The following CPSF4 variants were observed in gnomAD, a reference collection of about 807,000 sequenced individuals.
CPSF4 encodes cleavage and polyadenylation specificity factor subunit 4.
Under a neutral mutation model 37.7 loss-of-function variants are expected in CPSF4, and 11 were observed. The observed-to-expected ratio is 0.29, with a 90% CI of 0.18 to 0.48. CPSF4 has a LOEUF of 0.48. CPSF4 is among the 20% of genes least tolerant of loss of function. CPSF4 has a pLI of 0.99. For missense variants in CPSF4, 144 were observed against 359.5 expected (o/e 0.40, Z 4.85); for synonymous variants, 132 against 135.9 (o/e 0.97, Z 0.20).
At chr7:99,452,489 C>G in intron 6 of CPSF4, 49 bp downstream of exon 6, 1 of 1,522,040 alleles carries the variant, frequency 6.6e-7, no homozygotes, top group Non-Finnish European at 9.1e-7. Context: ...TTTTCTACAG[C>G]GAGAACCTCA....
chr7:99,448,139 G>A lies in CPSF4; in HGVS notation c.173G>A (p.Arg58His). 1 of 1,614,074 alleles carries A rather than the reference G, an allele frequency of 6.2e-7. No homozygotes were observed. ...ACGKGGMCPF[R>H]HISGEKTVVC... The stretch of plus-strand genomic sequence containing the variant: ...CCGGCAGGGGGCATGTGTCCGTTTC[G>A]CCACATCAGTGGTGAGAAGACAGTT... Residue 58 changes from arginine to histidine, a missense_variant, in exon 3 of 8, where the codon CGC becomes CAC. Physicochemically the swap from Arg to His is conservative, Grantham distance 29 (BLOSUM62 0). Transcript: ENST00000292476. This position sits in a 1 kb window ranked among gnomAD's most constrained non-coding sequence, Gnocchi z 4.4.
At chr7:99,452,603 T>C (rs966781018) in intron 6 of CPSF4, 163 bp downstream of exon 6, 3 of 637,812 alleles carry the variant, frequency 4.7e-6, no homozygotes. Context: ...AAGCCGTGTA[T>C]ATCTCCCTCG....
Position 99,456,255 on chromosome 7 carries a change from G to A in CPSF4, c.742-177G>A, listed in dbSNP as rs1238343627. The A allele has an allele frequency of 4.7e-6, 3 of 632,784 alleles. No individual in the cohort carries two copies. In the Admixed American group the frequency reaches 7.3e-5, roughly 15 times the overall value. The allele number at this position is 632,784 out of a possible 1,614,324, so 39.2% of individuals were successfully genotyped here. On this transcript the variant is annotated intron_variant, in intron 7 of 7. Transcript: ENST00000292476. ...TGCACCACTGCACTTTCCATCCTGA[G>A]CTCCCTCACCCTCTAATTTGAAAGA... is the stretch of plus-strand genomic sequence containing the variant.
In CPSF4 at chr7:99,456,419, C is replaced by G. The variant is rs766848747; in HGVS notation, c.742-13C>G. 1 of 1,613,862 alleles carries G rather than the reference C, an allele frequency of 6.2e-7. No individual in the cohort carries two copies. Among genetic ancestry groups the G allele is most frequent in the Non-Finnish European group, 8.5e-7 (1 of 1,179,720 alleles). ...TCTGTCTCTCCTCTTCCCCCACTTC[C>G]TGCTGTTCCCAGTGTGGCGAGAAAG... On this transcript the variant is annotated splice_polypyrimidine_tract_variant and intron_variant, in intron 7 of 7. Coordinates refer to ENST00000292476, the MANE Select transcript of CPSF4 (RefSeq NM_006693.4).
In CPSF4 at chr7:99,448,376, T is replaced by C. The variant is rs1797687859; in HGVS notation, c.307+103T>C. On this transcript the variant is annotated intron_variant, in intron 3 of 7. Transcript: ENST00000292476. The surrounding 1 kb of genome is among the most constrained non-coding windows in gnomAD (Gnocchi z 4.4). ...TGTCTCTGCCTGCTTTTCCCATCTT[T>C]CTATTCTCAGAGGAGAACTCTGGCA... The C allele has an allele frequency of 2.3e-6, 3 of 1,321,860 alleles. No homozygotes were observed. Among genetic ancestry groups the C allele is most frequent in the South Asian group, 1.5e-5 (1 of 68,826 alleles). 81.9% of individuals were successfully genotyped at this position (1,321,860 alleles called of 1,614,324 possible).
At chr7:99,443,970 CCT>C (rs1221705870) in intron 1 of CPSF4, among the ~76,000 whole-genome samples, 2 of 152,062 alleles carry the variant, frequency 1.3e-5, no homozygotes, top group African/African-American at 2.4e-5. Context: ...TAAAAGCAGT[CCT>C]CTGTTTCTGC....
At chr7:99,455,754 G>A (rs940334) in intron 7 of CPSF4, among the ~76,000 whole-genome samples, 8,309 of 152,266 alleles carry the variant, frequency 0.055, 687 homozygotes, top group African/African-American at 0.18. Flanking sequence ...ATGAGGCAGG[G>A]TCAGGGCTGG....
intron 6 of CPSF4, chr7:99,452,833 A>G (rs1243967105): frequency 5.3e-6 from 1 of 187,982 alleles, no homozygotes; most frequent in East Asian, 1.5e-4. Flanking sequence ...AACCGAGACT[A>G]CCAGAGGGAG....
intron 1 of CPSF4, 51 bp downstream of exon 1, chr7:99,439,236 C>T (rs1796652908): frequency 3.6e-6 from 5 of 1,376,544 alleles, no homozygotes; most frequent in Non-Finnish European, 5.0e-6. Context: ...ACCCGGGACC[C>T]GCTCCTCTGT....
intron 7 of CPSF4, 24 bp downstream of exon 7, chr7:99,454,160 G>A (rs751838986): frequency 6.2e-7 from 1 of 1,601,694 alleles, no homozygotes; most frequent in Non-Finnish European, 8.5e-7. Context: ...CTGGGGGACA[G>A]GGTGGGGTCT....
At position 99,448,793 on chromosome 7, in the gene CPSF4, G is replaced by A. The variant is rs1313982600; in HGVS notation, c.307+520G>A. 1 of 153,790 alleles carries A rather than the reference G, an allele frequency of 6.5e-6. No homozygotes were observed. The highest frequency in any genetic ancestry group is 1.4e-5 in the Non-Finnish European group (1 of 69,196). The allele number at this position is 153,790 out of a possible 1,614,324, so 9.5% of individuals were successfully genotyped here. A position where few individuals can be genotyped will look rare whatever the true frequency, so the allele number is the denominator to read the frequency against. ...CGTGGGCATTGCCTCTCAGGCCCGA[G>A]CTGGTTCCTTCTCTCCAGGAGCCAT... On this transcript the variant is annotated intron_variant, in intron 3 of 7. Transcript: ENST00000292476. The surrounding 1 kb of genome is among the most constrained non-coding windows in gnomAD (Gnocchi z 4.4).
intron 4 of CPSF4, 46 bp from the exon 5 acceptor site, chr7:99,450,656 A>C: frequency 2.1e-6 from 3 of 1,451,480 alleles, no homozygotes; most frequent in Non-Finnish European, 1.9e-6. Context: ...CCAGCTCTCT[A>C]ACTGGTAGAG....
chr7:99,455,543 G>A (rs1377136350), intron 7 of CPSF4, among the ~76,000 whole-genome samples: 1 of 152,226 alleles, frequency 6.6e-6, no homozygotes, highest in African/African-American at 2.4e-5. Context: ...GAATTGCAGA[G>A]CCAGGGAATA....
At chr7:99,440,233 C>CGCCCACAACTACCAG (rs1796772440) in intron 1 of CPSF4, among the ~76,000 whole-genome samples, 1 of 152,126 alleles carries the variant, frequency 6.6e-6, no homozygotes, top group Non-Finnish European at 1.5e-5. Context: ...TGTGTGCTGT[C>CGCCCACAACTACCAG]GCCCACAACT....
rs1172638452 is a variant in CPSF4, at chr7:99,439,052, G to C, written c.-31G>C. 5 of 1,587,076 alleles carry C rather than the reference G, an allele frequency of 3.2e-6. No individual in the cohort carries two copies. In the African/African-American group the frequency reaches 4.0e-5, roughly 13 times the overall value. ...GAGAAGGCTGCAGGAGACCGAGGGG[G>C]AGCCGGGCCGGTGGGGCCGCCGCCG... On this transcript the variant is annotated 5_prime_UTR_variant, in exon 1 of 8. Transcript: ENST00000292476.
chr7:99,440,674 A>ATATGTTTTTTTT, intron 1 of CPSF4, among the ~76,000 whole-genome samples: 3 of 88,130 alleles, frequency 3.4e-5, no homozygotes, highest in African/African-American at 2.9e-4. Context: ...ATATATATAT[A>ATATGTTTTTTTT]TTTTTTTTTT....
rs1290742918 is a variant in CPSF4, at chr7:99,453,315, G to T, written c.571-651G>T. The T allele has an allele frequency of 6.5e-6, 1 of 152,686 alleles. No homozygotes were observed. The allele number at this position is 152,686 out of a possible 1,614,324, so 9.5% of individuals were successfully genotyped here. A position where few individuals can be genotyped will look rare whatever the true frequency, so the allele number is the denominator to read the frequency against. On this transcript the variant is annotated intron_variant, in intron 6 of 7. Coordinates refer to ENST00000292476, the MANE Select transcript of CPSF4 (RefSeq NM_006693.4). This position sits in a 1 kb window ranked among gnomAD's most constrained non-coding sequence, Gnocchi z 4.7. ...ACAGCCAGGAGAGGATGCGGAGGAT[G>T]TAGCTGCGTGGAGGCGCCAATCACA...
At chr7:99,446,935 G>A (rs1016775646) in intron 2 of CPSF4, among the ~76,000 whole-genome samples, 2 of 150,006 alleles carry the variant, frequency 1.3e-5, no homozygotes, top group Non-Finnish European at 1.5e-5. Context: ...GATTACAGGT[G>A]CACACCACCA....
chr7:99,452,450 C>T lies in CPSF4; in HGVS notation c.570+10C>T. On this transcript the variant is annotated intron_variant, in intron 6 of 7. Coordinates refer to ENST00000292476, the MANE Select transcript of CPSF4 (RefSeq NM_006693.4). ...ACAGCCTCCAGCAAAGGTACCGTGC[C>T]TGGCCTTCCTCGGTAGGAAGGAAGT... 1 of 1,612,768 alleles carries T rather than the reference C, an allele frequency of 6.2e-7. No homozygotes were observed. The highest frequency in any genetic ancestry group is 8.5e-7 in the Non-Finnish European group (1 of 1,178,948).
Sources: gnomAD v4.1 joint callset for allele counts (sites outside exome capture counted in the v4.1 genomes callset) on GRCh38, gnomAD v4.1.1 for gene constraint, Gnocchi (gnomAD v3.1) non-coding constraint, MANE v1.5 for transcripts, NCBI Gene and HGNC (gene_info 2026-07-23, HGNC 2026-07-21) for gene names.